Variants in MDGA2 observed in about 807,000 individuals in gnomAD.
MDGA2 encodes MAM domain-containing glycosylphosphatidylinositol anchor protein 2.
A neutral mutation model predicts 117.8 loss-of-function variants in MDGA2; 40 were observed. The observed-to-expected ratio is 0.34, with a 90% confidence interval of 0.26 to 0.44. The LOEUF is 0.44. Ranked by LOEUF, MDGA2 falls within the 20% of genes least tolerant of loss-of-function variation. MDGA2 has a pLI of 1.00. For missense variants in MDGA2, 1,123 were observed against 1,250.6 expected (o/e 0.90, Z 1.54); for synonymous variants, 452 against 439.0 (o/e 1.03, Z -0.37).
chr14:47,227,249 G>A (rs1049360991), intron 2 of MDGA2, among the ~76,000 whole-genome samples: 4 of 152,076 alleles, frequency 2.6e-5, no homozygotes, highest in African/African-American at 9.7e-5. Context: ...GAAAGCCTGG[G>A]AAATCTTGGG....
intron 1 of MDGA2, chr14:47,342,879 T>C (rs1256042109): frequency 5.1e-6 from 2 of 393,928 alleles, no homozygotes; most frequent in Admixed American, 6.3e-5. Flanking sequence ...CTAGGTTCCG[T>C]GTGGGGGAAA....
intron 1 of MDGA2, among the ~76,000 whole-genome samples, chr14:47,406,513 G>A (rs182311389): frequency 9.5e-4 from 144 of 152,084 alleles, no homozygotes; most frequent in Non-Finnish European, 1.6e-3. Context: ...GAAGGGTTGG[G>A]ATAAAGAGAG....
At chr14:47,522,372 T>TACAC (rs1555329325) in intron 1 of MDGA2, among the ~76,000 whole-genome samples, 14 of 150,228 alleles carry the variant, frequency 9.3e-5, no homozygotes, top group Admixed American at 2.7e-4. Context: ...TGTGTATATA[T>TACAC]ACACACACAC....
At chr14:47,033,605 T>C (rs1202613257) in intron 8 of MDGA2, among the ~76,000 whole-genome samples, 1 of 152,160 alleles carries the variant, frequency 6.6e-6, no homozygotes, top group Non-Finnish European at 1.5e-5. Flanking sequence ...GTCATGAGTA[T>C]AGAGGCCAGT....
At chr14:47,215,349 A>T (rs1886047440) in intron 3 of MDGA2, among the ~76,000 whole-genome samples, 1 of 152,162 alleles carries the variant, frequency 6.6e-6, no homozygotes, top group Non-Finnish European at 1.5e-5. Flanking sequence ...ATTATAATTC[A>T]ATTTTAGACA....
chr14:47,388,996 T>C (rs917156247), intron 1 of MDGA2, among the ~76,000 whole-genome samples: 1 of 152,242 alleles, frequency 6.6e-6, no homozygotes, highest in African/African-American at 2.4e-5. Context: ...TTATTTCTTA[T>C]TGATGTCTAA....
intron 1 of MDGA2, among the ~76,000 whole-genome samples, chr14:47,435,595 T>A (rs1472562182): frequency 6.6e-6 from 1 of 152,156 alleles, no homozygotes; most frequent in African/African-American, 2.4e-5. Context: ...TACTGTGGCC[T>A]TCATAATAAT....
At chr14:47,210,085 C>A (rs1366030739) in intron 3 of MDGA2, among the ~76,000 whole-genome samples, 1 of 152,008 alleles carries the variant, frequency 6.6e-6, no homozygotes, top group African/African-American at 2.4e-5. Flanking sequence ...GTTTATAATT[C>A]TTTCTAACAC....
intron 1 of MDGA2, among the ~76,000 whole-genome samples, chr14:47,373,714 C>T (rs1480122577): frequency 6.6e-6 from 1 of 151,720 alleles, no homozygotes; most frequent in Non-Finnish European, 1.5e-5. Flanking sequence ...TTGGAGGGGA[C>T]AGGAGGTGAA....
chr14:47,357,566 G>A (rs1190026950), intron 1 of MDGA2, among the ~76,000 whole-genome samples: 2 of 152,154 alleles, frequency 1.3e-5, no homozygotes, highest in East Asian at 1.9e-4. Context: ...CAGATACACA[G>A]AATGGCTGCA....
At chr14:47,223,879 A>G (rs998933426) in intron 2 of MDGA2, among the ~76,000 whole-genome samples, 19 of 152,264 alleles carry the variant, frequency 1.2e-4, no homozygotes, top group East Asian at 1.9e-4. Context: ...CCTTTTTCAC[A>G]TGGCGGCAGG....
In MDGA2 at chr14:47,568,330, TGA is replaced by T. The variant is rs1895957027; in HGVS notation, c.280+106185_280+106186del. Among the ~76,000 whole-genome samples, 4 of 152,322 alleles carry T rather than the reference TGA, an allele frequency of 2.6e-5. No individual in the cohort carries two copies. In the South Asian group the frequency reaches 8.3e-4, roughly 32 times the overall value. On this transcript the variant is annotated intron_variant, in intron 1 of 16. Transcript: ENST00000399232. ...TTTTAATATAACATATAAAACTTAA[TGA>T]ATCATACAAATATAACAAAATGCAG...
chr14:47,275,664 C>T (rs1017613463), intron 2 of MDGA2, among the ~76,000 whole-genome samples: 23 of 152,028 alleles, frequency 1.5e-4, no homozygotes, highest in African/African-American at 5.3e-4. Flanking sequence ...AATAATATTG[C>T]TAACTATAGC....
In MDGA2 at chr14:46,903,030, A is replaced by G. The variant is rs576471998; in HGVS notation, c.2238+16982T>C. ...GCCACGGGAAGTTTGAGCCATTTGCAGCAGGGAGGAGCTGCGCCTCTTCAG... is the reference window on the plus strand; with the variant it reads ...GCCACGGGAAGTTTGAGCCATTTGCGGCAGGGAGGAGCTGCGCCTCTTCAG... On this transcript the variant is annotated intron_variant, in intron 10 of 16. Transcript: ENST00000399232. 1.3e-3 allele frequency among the ~76,000 whole-genome samples: 193 copies of G among 152,346 alleles called. 1 individual carries two copies. The highest frequency in any genetic ancestry group is 4.4e-3 in the African/African-American group (183 of 41,584).
intron 10 of MDGA2, among the ~76,000 whole-genome samples, chr14:46,919,657 C>T (rs1411709800): frequency 6.6e-6 from 1 of 152,058 alleles, no homozygotes; most frequent in East Asian, 1.9e-4. Flanking sequence ...AATGATTATG[C>T]AGTATAGGTG....
At chr14:47,487,655 A>G (rs1894088221) in intron 1 of MDGA2, among the ~76,000 whole-genome samples, 1 of 152,176 alleles carries the variant, frequency 6.6e-6, no homozygotes, top group Non-Finnish European at 1.5e-5. Context: ...TAATTATTTG[A>G]GCCTGACATC....
At chr14:47,547,805 C>T (rs1264168278) in intron 1 of MDGA2, among the ~76,000 whole-genome samples, 1 of 152,134 alleles carries the variant, frequency 6.6e-6, no homozygotes, top group Non-Finnish European at 1.5e-5. Flanking sequence ...TTCTGTAAAG[C>T]ATCAATTGAG....
chr14:47,195,480 G>C (rs533068778), intron 3 of MDGA2, among the ~76,000 whole-genome samples: 1 of 152,052 alleles, frequency 6.6e-6, no homozygotes, highest in East Asian at 1.9e-4. Flanking sequence ...GTTTTATTGG[G>C]CCATGGGAAA....
chr14:47,197,416 C>A (rs913213819), intron 3 of MDGA2, among the ~76,000 whole-genome samples: 1 of 151,930 alleles, frequency 6.6e-6, no homozygotes, highest in African/African-American at 2.4e-5. Flanking sequence ...GAAAGTGCTC[C>A]GTGGCTCACT....
Sources: gnomAD v4.1 joint callset for allele counts (sites outside exome capture counted in the v4.1 genomes callset) on GRCh38, gnomAD v4.1.1 for gene constraint, MANE v1.5 for transcripts, NCBI Gene and HGNC (gene_info 2026-07-23, HGNC 2026-07-21) for gene names.